ENOX1: variants seen among roughly 807,000 people sequenced by gnomAD.
The protein encoded by ENOX1 is ecto-NOX disulfide-thiol exchanger 1.
In ENOX1, 42 loss-of-function variants were observed where a neutral mutation model predicts 82.5. The observed-to-expected ratio is 0.51, with a 90% CI of 0.40 to 0.66. The LOEUF (loss-of-function observed/expected upper bound fraction) is 0.66, where lower values mean the gene tolerates loss of function less well. ENOX1 is among the 30% of genes least tolerant of loss of function. The pLI is 0.00. For synonymous variants in ENOX1, 271 were observed against 282.2 expected, an observed-to-expected ratio of 0.96 and a Z score of 0.40; for missense variants, 608 against 811.6, an observed-to-expected ratio of 0.75 and a Z score of 3.05.
At chr13:43,361,018 C>T (rs1211316488) in intron 6 of ENOX1, among the ~76,000 whole-genome samples, 1 of 152,192 alleles carries the variant, frequency 6.6e-6, no homozygotes, top group Non-Finnish European at 1.5e-5. Flanking sequence ...GGCTTCACTG[C>T]ATGCAAAAAG....
At position 43,265,467 on chromosome 13, in the gene ENOX1, A is replaced by G. The variant is rs1032016785; in HGVS notation, c.1555-13T>C. On this transcript the variant is annotated splice_polypyrimidine_tract_variant and intron_variant, in intron 13 of 16. Transcript: ENST00000690772. ...TGGTACCTTTTAACTGCAAATTTTAAGGAAAAACAACACAAAACAAAAAAA... is the reference window on the plus strand; with the variant it reads ...TGGTACCTTTTAACTGCAAATTTTAGGGAAAAACAACACAAAACAAAAAAA... The G allele has an allele frequency of 6.2e-7, 1 of 1,610,994 alleles. No individual in the cohort carries two copies. Among genetic ancestry groups the G allele is most frequent in the Admixed American group, 1.7e-5 (1 of 59,678 alleles).
chr13:43,755,377 G>A (rs1001946968), intron 1 of ENOX1, among the ~76,000 whole-genome samples: 2 of 152,102 alleles, frequency 1.3e-5, no homozygotes, highest in African/African-American at 4.8e-5. Flanking sequence ...CCTGCTTCTT[G>A]TCTCTCCAGG....
intron 8 of ENOX1, among the ~76,000 whole-genome samples, chr13:43,353,779 C>G (rs2153554743): frequency 6.6e-6 from 1 of 152,350 alleles, no homozygotes; most frequent in South Asian, 2.1e-4. Flanking sequence ...CCAATCTGTT[C>G]TTTCCTCAAG....
chr13:43,581,763 C>T (rs879856694), intron 2 of ENOX1, among the ~76,000 whole-genome samples: 1 of 152,042 alleles, frequency 6.6e-6, no homozygotes, highest in Non-Finnish European at 1.5e-5. Context: ...CACATGGCAG[C>T]CATGAACAAT....
At chr13:43,591,657 T>C (rs2081251073) in intron 2 of ENOX1, among the ~76,000 whole-genome samples, 1 of 151,820 alleles carries the variant, frequency 6.6e-6, no homozygotes, top group Admixed American at 6.6e-5. Flanking sequence ...TATATGTATG[T>C]AATGTTTTGT....
chr13:43,223,288 G>A (rs2041878991), intron 16 of ENOX1, among the ~76,000 whole-genome samples: 1 of 152,130 alleles, frequency 6.6e-6, no homozygotes, highest in Non-Finnish European at 1.5e-5. Context: ...GGCTTCTCTA[G>A]CTTCTCTGTT....
chr13:43,261,358 G>A (rs185258694), intron 14 of ENOX1, among the ~76,000 whole-genome samples: 1 of 152,230 alleles, frequency 6.6e-6, no homozygotes, highest in East Asian at 1.9e-4. Flanking sequence ...TGAATGCCAG[G>A]CAATTCCAGA....
At position 43,245,005 on chromosome 13, in the gene ENOX1, T is replaced by C. The variant is rs73463483; in HGVS notation, c.1612-8267A>G. Among the ~76,000 whole-genome samples the C allele has an allele frequency of 3.8e-3, 577 of 152,318 alleles. 3 individuals are homozygous for C. The highest frequency in any genetic ancestry group is 0.013 in the African/African-American group (552 of 41,574). On this transcript the variant is annotated intron_variant, in intron 14 of 16. Coordinates refer to ENST00000690772, the MANE Select transcript of ENOX1 (RefSeq NM_001347969.2). ...TTCAAAAGCAATCCATCAAATGATG[T>C]GCCAGTTGCCAATAACCTTCAAATT...
chr13:43,715,167 T>A (rs2088024984), intron 1 of ENOX1, among the ~76,000 whole-genome samples: 1 of 152,202 alleles, frequency 6.6e-6, no homozygotes, highest in African/African-American at 2.4e-5. Flanking sequence ...CCTTCACTTA[T>A]GAAGCTTAGT....
At chr13:43,452,774 A>G (rs1307053354) in intron 3 of ENOX1, among the ~76,000 whole-genome samples, 4 of 152,050 alleles carry the variant, frequency 2.6e-5, no homozygotes, top group African/African-American at 4.8e-5. Flanking sequence ...CCGCCTGCCT[A>G]ATTCTCCCAA....
intron 1 of ENOX1, among the ~76,000 whole-genome samples, chr13:43,772,195 T>C (rs1951671666): frequency 6.6e-6 from 1 of 152,166 alleles, no homozygotes; most frequent in African/African-American, 2.4e-5. Context: ...ACTACACTAC[T>C]TACATGGTAT....
chr13:43,758,616 A>T (rs925822131), intron 1 of ENOX1, among the ~76,000 whole-genome samples: 1 of 152,232 alleles, frequency 6.6e-6, no homozygotes, highest in Admixed American at 6.5e-5. Context: ...TGGAGAAATT[A>T]AGTACAAGGA....
intron 3 of ENOX1, among the ~76,000 whole-genome samples, chr13:43,420,653 C>T (rs1414799913): frequency 6.6e-6 from 1 of 152,146 alleles, no homozygotes; most frequent in East Asian, 1.9e-4. Context: ...GAAAAGATGA[C>T]TACAGAGAAG....
At chr13:43,271,673 A>C (rs2044691858) in intron 12 of ENOX1, among the ~76,000 whole-genome samples, 1 of 151,912 alleles carries the variant, frequency 6.6e-6, no homozygotes, top group African/African-American at 2.4e-5. Context: ...TAAAACACAC[A>C]CACACACACA....
Position 43,500,649 on chromosome 13 carries a change from T to C in ENOX1, c.-218-16497A>G, listed in dbSNP as rs1200859363. On this transcript the variant is annotated intron_variant, in intron 2 of 16. Coordinates refer to ENST00000690772, the MANE Select transcript of ENOX1 (RefSeq NM_001347969.2). ...ACATGAAAGTATATGAAAATATAAA[T>C]CTTGGCTGGTAAAGGTAAATACACA... 3.3e-5 allele frequency among the ~76,000 whole-genome samples: 5 copies of C among 152,080 alleles called. No individual in the cohort carries two copies. In the East Asian group the frequency reaches 7.7e-4, roughly 23 times the overall value.
chr13:43,637,758 T>C (rs1040703815), intron 2 of ENOX1, among the ~76,000 whole-genome samples: 2 of 152,158 alleles, frequency 1.3e-5, no homozygotes, highest in African/African-American at 4.8e-5. Flanking sequence ...TAAAAACAGC[T>C]GTCCCAAAAT....
chr13:43,711,393 G>A (rs2087701696), intron 1 of ENOX1, among the ~76,000 whole-genome samples: 1 of 152,102 alleles, frequency 6.6e-6, no homozygotes, highest in South Asian at 2.1e-4. Flanking sequence ...GTGGGCATGT[G>A]TCTTTATAGC....
At chr13:43,223,853 G>A (rs2041905518) in intron 16 of ENOX1, among the ~76,000 whole-genome samples, 200 bp downstream of exon 16, 1 of 152,122 alleles carries the variant, frequency 6.6e-6, no homozygotes, top group Admixed American at 6.5e-5. Flanking sequence ...TTAGATAACT[G>A]CTCTTCTTTT....
chr13:43,688,778 G>C (rs1307198596), intron 1 of ENOX1, among the ~76,000 whole-genome samples: 1 of 152,142 alleles, frequency 6.6e-6, no homozygotes, highest in Non-Finnish European at 1.5e-5. Flanking sequence ...GGGTCAGAGG[G>C]AAGGAGGCAG....
Sources: allele counts gnomAD v4.1 joint callset (sites outside exome capture counted in the v4.1 genomes callset), GRCh38; gene constraint gnomAD v4.1.1; transcripts MANE v1.5; gene names NCBI Gene and HGNC (gene_info 2026-07-23, HGNC 2026-07-21).